Variants in TAX1BP1 observed in about 807,000 individuals in gnomAD.
TAX1BP1 encodes tax1-binding protein 1.
Under a neutral mutation model 97.7 loss-of-function variants are expected in TAX1BP1, and 62 were observed. That is an observed-to-expected ratio of 0.63 (90% CI 0.52 to 0.78). TAX1BP1 has a LOEUF of 0.78. Ranked by LOEUF, TAX1BP1 falls within the 30% of genes least tolerant of loss-of-function variation. The pLI is 0.00. For synonymous variants in TAX1BP1, 340 were observed against 304.2 expected (o/e 1.12, Z -1.23); for missense variants, 867 against 916.1 (o/e 0.95, Z 0.69).
chr7:27,814,261 T>G (rs1406633944), intron 13 of TAX1BP1, among the ~76,000 whole-genome samples: 1 of 152,202 alleles, frequency 6.6e-6, no homozygotes, highest in Admixed American at 6.5e-5. Flanking sequence ...CCTTTCTTGT[T>G]CTAAATATAT....
rs757284762 is a variant in TAX1BP1 at position 27,769,656 on chromosome 7, C to A, written c.454-20C>A. The A allele has an allele frequency of 4.5e-6, 7 of 1,568,370 alleles. No individual in the cohort carries two copies. Among genetic ancestry groups the A allele is most frequent in the Admixed American group, 1.9e-5 (1 of 51,872 alleles). ...AGGATTAAGCAAAAAACTAATTAATCTGAGTTTTTTGCTTTATAGTTGAAA... is the reference window on the plus strand; with the variant it reads ...AGGATTAAGCAAAAAACTAATTAATATGAGTTTTTTGCTTTATAGTTGAAA... On this transcript the variant is annotated intron_variant, in intron 4 of 16. Coordinates refer to ENST00000396319, the MANE Select transcript of TAX1BP1 (RefSeq NM_006024.7).
rs1789838941 is a variant in TAX1BP1 at position 27,794,358 on chromosome 7, G to A, written c.1446G>A (p.Gly482=). Residue 482 remains glycine, a synonymous_variant, in exon 11 of 17, where the codon GGG becomes GGA. Transcript: ENST00000396319. ...ATAATGTCTTCACAAAGAAAACGGG[G>A]AATCAGCAGAAAGTGAATGATGCTT... is the stretch of plus-strand genomic sequence containing the variant. ...NNNNVFTKKT[G]NQQKVNDASV... 3.7e-6 allele frequency: 6 copies of A among 1,612,884 alleles called. No homozygotes were observed. The highest frequency in any genetic ancestry group is 1.3e-5 in the African/African-American group (1 of 75,000).
chr7:27,773,211 G>A lies in TAX1BP1; in HGVS notation c.612+3377G>A, dbSNP rs377574586. 5.9e-5 allele frequency among the ~76,000 whole-genome samples: 9 copies of A among 152,070 alleles called. No individual in the cohort carries two copies. The East Asian group carries it at 1.2e-3, about 20-fold the overall frequency. On this transcript the variant is annotated intron_variant, in intron 5 of 16. Coordinates refer to ENST00000396319, the MANE Select transcript of TAX1BP1 (RefSeq NM_006024.7). Reference sequence around the variant, plus strand: ...GAGGCTAGCAGTATGGCTCCAGTCCGTGCTTTTAACCACTGCTGTATACTT... The same window carrying A: ...GAGGCTAGCAGTATGGCTCCAGTCCATGCTTTTAACCACTGCTGTATACTT...
At chr7:27,827,178 C>T (rs919915196) in intron 15 of TAX1BP1, among the ~76,000 whole-genome samples, 4 of 152,020 alleles carry the variant, frequency 2.6e-5, no homozygotes, top group African/African-American at 9.7e-5. Context: ...ATGGTGAAAC[C>T]CTGTCTCTAC....
intron 2 of TAX1BP1, among the ~76,000 whole-genome samples, chr7:27,750,705 C>T (rs964977728): frequency 2.0e-5 from 3 of 152,086 alleles, no homozygotes; most frequent in Non-Finnish European, 2.9e-5. Context: ...GAATTATTAC[C>T]TTTTTCCTGC....
chr7:27,802,595 A>G (rs1790183225), intron 13 of TAX1BP1, among the ~76,000 whole-genome samples: 1 of 152,084 alleles, frequency 6.6e-6, no homozygotes, highest in Admixed American at 6.6e-5. Flanking sequence ...TATAGTTTCT[A>G]AGCTTTAGTC....
In TAX1BP1 at chr7:27,808,158, T is replaced by C. The variant is rs1790413229; in HGVS notation, c.1764+8068T>C. Among the ~76,000 whole-genome samples the C allele has an allele frequency of 7.2e-5, 11 of 152,292 alleles. 1 individual carries two copies. The South Asian group carries it at 2.3e-3, about 32-fold the overall frequency. On this transcript the variant is annotated intron_variant, in intron 13 of 16. Transcript: ENST00000396319. The stretch of plus-strand genomic sequence containing the variant: ...GATCTGGGCTGTAGGTGTACCCTCA[T>C]TGATTCAAAGTCCTTAGCAGACAGA...
intron 1 of TAX1BP1, among the ~76,000 whole-genome samples, chr7:27,740,965 AGCGT>A (rs551839941): frequency 1.1e-3 from 161 of 152,288 alleles, no homozygotes; most frequent in African/African-American, 3.7e-3. Context: ...GCTAGAGTTT[AGCGT>A]GCGCGCGCGC....
At chr7:27,812,282 G>A (rs914415177) in intron 13 of TAX1BP1, among the ~76,000 whole-genome samples, 4 of 152,100 alleles carry the variant, frequency 2.6e-5, no homozygotes, top group Admixed American at 6.5e-5. Context: ...GTGCTTGCAG[G>A]CCATTTGTAC....
intron 1 of TAX1BP1, among the ~76,000 whole-genome samples, chr7:27,747,732 C>T (rs935479175): frequency 6.6e-6 from 1 of 152,064 alleles, no homozygotes; most frequent in Non-Finnish European, 1.5e-5. Context: ...GATAGTGGTT[C>T]TCTTTTCTGG....
chr7:27,772,485 A>G (rs1002660009), intron 5 of TAX1BP1: 9 of 152,168 alleles, frequency 5.9e-5, no homozygotes, highest in East Asian at 1.9e-4. Context: ...AATAGGAGAA[A>G]TTTATTGCAT....
intron 13 of TAX1BP1, among the ~76,000 whole-genome samples, chr7:27,806,600 G>C (rs142823628): frequency 6.6e-6 from 1 of 152,044 alleles, no homozygotes; most frequent in Non-Finnish European, 1.5e-5. Context: ...TTTGAGTACT[G>C]TTCCATTGAT....
intron 8 of TAX1BP1, among the ~76,000 whole-genome samples, chr7:27,791,437 A>G (rs1435692739): frequency 6.6e-6 from 1 of 152,148 alleles, no homozygotes; most frequent in Non-Finnish European, 1.5e-5. Context: ...AGCAGTATGA[A>G]TTACTTTTCA....
At chr7:27,810,642 A>T (rs1374656940) in intron 13 of TAX1BP1, among the ~76,000 whole-genome samples, 1 of 152,116 alleles carries the variant, frequency 6.6e-6, no homozygotes, top group East Asian at 1.9e-4. Flanking sequence ...CTGACCTTCA[A>T]CTTGTCTTTT....
intron 12 of TAX1BP1, among the ~76,000 whole-genome samples, chr7:27,799,349 CCTT>C (rs1223687748): frequency 6.6e-6 from 1 of 152,250 alleles, no homozygotes; most frequent in East Asian, 1.9e-4. Context: ...TGTAAGTCCT[CCTT>C]TAAGATAATC....
Position 27,761,970 on chromosome 7 carries a change from C to A in TAX1BP1, c.265+3837C>A, listed in dbSNP as rs59459002. On this transcript the variant is annotated intron_variant, in intron 3 of 16. Transcript: ENST00000396319. ...ATGAATGATGAGAGTTCCTGTTGCT[C>A]CACATTTTCAGCAGCATTTGATGGT... Among the ~76,000 whole-genome samples the A allele has an allele frequency of 4.0e-3, 604 of 152,250 alleles. 6 individuals are homozygous for A. The highest frequency in any genetic ancestry group is 0.014 in the African/African-American group (590 of 41,540).
intron 12 of TAX1BP1, among the ~76,000 whole-genome samples, chr7:27,796,971 C>T (rs1359831123): frequency 2.0e-5 from 3 of 151,544 alleles, no homozygotes; most frequent in Admixed American, 6.6e-5. Flanking sequence ...TTGTCTCTTA[C>T]GGTGTTTATT....
intron 3 of TAX1BP1, among the ~76,000 whole-genome samples, chr7:27,762,241 T>C (rs972330361): frequency 1.4e-4 from 21 of 152,206 alleles, no homozygotes; most frequent in African/African-American, 5.1e-4. Context: ...TTGTAAGTTA[T>C]ATATGTAGTT....
At chr7:27,804,661 C>T (rs1324857367) in intron 13 of TAX1BP1, among the ~76,000 whole-genome samples, 2 of 152,118 alleles carry the variant, frequency 1.3e-5, no homozygotes, top group African/African-American at 4.8e-5. Context: ...CTATTATGTA[C>T]CATTAATAAC....
Sources: gnomAD v4.1 joint callset for allele counts (sites outside exome capture counted in the v4.1 genomes callset) on GRCh38, gnomAD v4.1.1 for gene constraint, MANE v1.5 for transcripts, NCBI Gene and HGNC (gene_info 2026-07-23, HGNC 2026-07-21) for gene names.